LRRN2: variants seen among roughly 807,000 people sequenced by gnomAD.
LRRN2 encodes leucine rich repeat neuronal 2, also known as leucine-rich repeat neuronal protein 2.
A neutral mutation model predicts 35.7 loss-of-function variants in LRRN2; 10 were observed. The ratio of observed to expected loss-of-function variants is 0.28; its 90% CI spans 0.17 to 0.47. LRRN2 has a LOEUF of 0.47. LRRN2 is among the 20% of genes least tolerant of loss of function. The probability of loss-of-function intolerance (pLI) is 0.99; values close to 1 mark genes in which losing one functional copy is unlikely to be tolerated. For synonymous variants in LRRN2, 391 were observed against 409.6 expected, an observed-to-expected ratio of 0.95 and a Z score of 0.55; for missense variants, 731 against 940.3, an observed-to-expected ratio of 0.78 and a Z score of 2.91.
intron 1 of LRRN2, among the ~76,000 whole-genome samples, chr1:204,668,132 A>C (rs891554523): frequency 5.9e-5 from 9 of 152,176 alleles, no homozygotes; most frequent in African/African-American, 2.2e-4. Flanking sequence ...CACCAAGCTA[A>C]CTTGGTCTGC....
At chr1:204,680,958 C>T (rs1309226570) in intron 1 of LRRN2, among the ~76,000 whole-genome samples, 6 of 143,528 alleles carry the variant, frequency 4.2e-5, no homozygotes, top group Admixed American at 1.4e-4. Context: ...CAGAGAGTCA[C>T]TTTTTTTTTT....
At chr1:204,643,409 T>C (rs11240238) in intron 1 of LRRN2, among the ~76,000 whole-genome samples, 82,186 of 151,968 alleles carry the variant, frequency 0.54, 23,575 homozygotes, top group East Asian at 0.68. Flanking sequence ...GAGGGGTCTG[T>C]GGCCTCCCAA....
At chr1:204,655,282 G>T (rs1040978136) in intron 1 of LRRN2, among the ~76,000 whole-genome samples, 11 of 151,544 alleles carry the variant, frequency 7.3e-5, no homozygotes, top group Admixed American at 2.6e-4. Flanking sequence ...CTCTACATTT[G>T]GTGGGTTTTG....
chr1:204,665,255 C>T (rs1383283995), intron 1 of LRRN2, among the ~76,000 whole-genome samples: 1 of 152,280 alleles, frequency 6.6e-6, no homozygotes, highest in East Asian at 1.9e-4. Context: ...TCTCAGGGCG[C>T]AATCCCACAT....
intron 1 of LRRN2, among the ~76,000 whole-genome samples, chr1:204,672,521 T>C (rs1668735759): frequency 6.6e-6 from 1 of 152,176 alleles, no homozygotes. Flanking sequence ...GTGGGACAGA[T>C]GCTCTCCAGG....
chr1:204,676,139 CGTGTGTGTGTGTGT>C (rs56189865), intron 1 of LRRN2, among the ~76,000 whole-genome samples: 28 of 148,844 alleles, frequency 1.9e-4, no homozygotes, highest in East Asian at 5.9e-4. Flanking sequence ...TACATGGAGC[CGTGTGTGTGTGTGT>C]GTGTGTGTGT....
chr1:204,659,421 G>A (rs1347457136), intron 1 of LRRN2, among the ~76,000 whole-genome samples: 1 of 152,180 alleles, frequency 6.6e-6, no homozygotes, highest in Non-Finnish European at 1.5e-5. Flanking sequence ...CCTGCATGGA[G>A]CCCGGCCTGA....
At position 204,619,468 on chromosome 1, in the gene LRRN2, G is replaced by C; in HGVS notation, c.525C>G (p.Asn175Lys). The stretch of plus-strand genomic sequence containing the variant: ...AGCGGCTGTCAATGGCCCTCAGGAG[G>C]TTGGAGTTGAGGTGCAGCCGCAGCA... ...SNLLRLHLNS[N>K]LLRAIDSRWF... Residue 175 changes from asparagine to lysine, a missense_variant, in exon 2 of 2, where the codon AAC becomes AAG. By Grantham distance (94) the Asn-to-Lys change is moderately conservative (BLOSUM62 0). Around this residue, in one of 3 missense-constraint regions of LRRN2, gnomAD observed 246 missense variants for 289.5 expected, o/e 0.85. Transcript: ENST00000367177. The C allele has an allele frequency of 6.2e-7, 1 of 1,614,242 alleles. No individual in the cohort carries two copies.
At chr1:204,657,674 C>T (rs1668389488) in intron 1 of LRRN2, among the ~76,000 whole-genome samples, 1 of 151,934 alleles carries the variant, frequency 6.6e-6, no homozygotes, top group Non-Finnish European at 1.5e-5. Context: ...GGATGTACAA[C>T]CTTGTGAATA....
chr1:204,657,341 T>TAC (rs34779515), intron 1 of LRRN2, among the ~76,000 whole-genome samples: 32,228 of 146,968 alleles, frequency 0.22, 3,870 homozygotes, highest in Non-Finnish European at 0.29. Flanking sequence ...TATGTATATA[T>TAC]ACACACACAC....
Position 204,651,349 on chromosome 1 carries a change from A to G in LRRN2, c.-226-31131T>C, listed in dbSNP as rs573981270. Among the ~76,000 whole-genome samples the G allele has an allele frequency of 5.3e-5, 8 of 152,286 alleles. No homozygotes were observed. The South Asian group carries it at 1.7e-3, about 32-fold the overall frequency. On this transcript the variant is annotated intron_variant, in intron 1 of 1. Coordinates refer to ENST00000367177, the MANE Select transcript of LRRN2 (RefSeq NM_201630.2). ...AGAGAAATCGGCTGAGCCAACCCAG[A>G]CAGACTTCTGGCCGACAGAGCTGTG...
intron 1 of LRRN2, among the ~76,000 whole-genome samples, chr1:204,643,126 T>G (rs1235446160): frequency 6.6e-6 from 1 of 152,160 alleles, no homozygotes; most frequent in Non-Finnish European, 1.5e-5. Context: ...TCTAAAACAA[T>G]TACTTCATCT....
At chr1:204,657,130 C>T (rs1323226735) in intron 1 of LRRN2, among the ~76,000 whole-genome samples, 1 of 151,980 alleles carries the variant, frequency 6.6e-6, no homozygotes, top group African/African-American at 2.4e-5. Context: ...ACGGCGAAAC[C>T]CCCGTCTCTA....
At chr1:204,647,564 T>A (rs1386730269) in intron 1 of LRRN2, among the ~76,000 whole-genome samples, 1 of 152,004 alleles carries the variant, frequency 6.6e-6, no homozygotes, top group African/African-American at 2.4e-5. Context: ...AGGTGGAGGA[T>A]GGGCAGGTAA....
chr1:204,639,273 G>C (rs1298933388), intron 1 of LRRN2, among the ~76,000 whole-genome samples: 1 of 152,232 alleles, frequency 6.6e-6, no homozygotes, highest in Non-Finnish European at 1.5e-5. Flanking sequence ...AGATGAATAA[G>C]ACAAGGTGCT....
intron 1 of LRRN2, among the ~76,000 whole-genome samples, chr1:204,665,233 C>T (rs1461178711): frequency 6.6e-6 from 1 of 152,114 alleles, no homozygotes; most frequent in Non-Finnish European, 1.5e-5. Context: ...AGTGATCATG[C>T]ATTCCCGGGG....
chr1:204,639,599 A>G (rs561577857), intron 1 of LRRN2, among the ~76,000 whole-genome samples: 1 of 152,238 alleles, frequency 6.6e-6, no homozygotes, highest in Non-Finnish European at 1.5e-5. Flanking sequence ...AGAATGCACC[A>G]TCGCACTCCA....
At position 204,620,121 on chromosome 1, in the gene LRRN2, A is replaced by G; in HGVS notation, c.-129T>C. On this transcript the variant is annotated 5_prime_UTR_variant, in exon 2 of 2. Transcript: ENST00000367177. Reference sequence around the variant, plus strand: ...CACCCTCCCAGGGCAGTCATTCTACACCGGGCGTCACTTCTTGCCCTCCTC... The same window carrying G: ...CACCCTCCCAGGGCAGTCATTCTACGCCGGGCGTCACTTCTTGCCCTCCTC... The G allele has an allele frequency of 6.8e-7, 1 of 1,467,084 alleles. No individual in the cohort carries two copies. The highest frequency in any genetic ancestry group is 9.0e-7 in the Non-Finnish European group (1 of 1,107,808). The allele number at this position is 1,467,084 out of a possible 1,614,324, so 90.9% of individuals were successfully genotyped here.
intron 1 of LRRN2, among the ~76,000 whole-genome samples, chr1:204,625,484 T>C (rs1479197342): frequency 1.3e-5 from 2 of 149,132 alleles, no homozygotes; most frequent in East Asian, 4.1e-4. Context: ...GTATAACATA[T>C]GTACGGGAGA....
Sources: allele counts gnomAD v4.1 joint callset (sites outside exome capture counted in the v4.1 genomes callset), GRCh38; gene constraint gnomAD v4.1.1; regional missense constraint gnomAD v4.1.1; transcripts MANE v1.5; gene names NCBI Gene and HGNC (gene_info 2026-07-23, HGNC 2026-07-21).